Variants in CEP97 observed in about 807,000 individuals in gnomAD.
The protein encoded by CEP97 is centrosomal protein of 97 kDa.
In CEP97, 43 loss-of-function variants were observed where a neutral mutation model predicts 73.1. That is an observed-to-expected ratio of 0.59 (90% CI 0.46 to 0.76). The LOEUF (loss-of-function observed/expected upper bound fraction) is 0.76, where lower values mean the gene tolerates loss of function less well. CEP97 is among the 30% of genes least tolerant of loss of function. The pLI is 0.00. For missense variants in CEP97, 939 were observed against 1,014.0 expected (o/e 0.93, Z 1.00); for synonymous variants, 337 against 370.0 (o/e 0.91, Z 1.02).
intron 6 of CEP97, among the ~76,000 whole-genome samples, chr3:101,748,920 G>T (rs1198613201): frequency 6.6e-6 from 1 of 152,086 alleles, no homozygotes; most frequent in African/African-American, 2.4e-5. Flanking sequence ...GATTACAGGT[G>T]TGAGCCACTG....
At chr3:101,725,917 C>T (rs1266550505) in intron 1 of CEP97, among the ~76,000 whole-genome samples, 1 of 148,590 alleles carries the variant, frequency 6.7e-6, no homozygotes, top group African/African-American at 2.5e-5. Flanking sequence ...TGTAGAACTA[C>T]ATTTATAAGG....
At chr3:101,746,634 TA>T (rs1165329472) in intron 6 of CEP97, among the ~76,000 whole-genome samples, 5 of 151,864 alleles carry the variant, frequency 3.3e-5, no homozygotes, top group East Asian at 1.9e-4. Context: ...ACTTCATGTC[TA>T]AAACACCAAA....
intron 8 of CEP97, 133 bp from the exon 9 acceptor site, chr3:101,757,501 C>T (rs906016461): frequency 3.3e-5 from 26 of 798,784 alleles, no homozygotes; most frequent in Non-Finnish European, 3.8e-5. Flanking sequence ...TTGATGTTTT[C>T]GGCATATTGG....
chr3:101,750,197 T>C (rs1362566283), intron 6 of CEP97, among the ~76,000 whole-genome samples: 1 of 146,050 alleles, frequency 6.8e-6, no homozygotes, highest in Non-Finnish European at 1.5e-5. Context: ...GGATCCAGTT[T>C]CAGCTTTCTA....
At chr3:101,757,250 G>T (rs932507016) in intron 8 of CEP97, 54 bp downstream of exon 8, 8 of 1,550,094 alleles carry the variant, frequency 5.2e-6, no homozygotes, top group Non-Finnish European at 6.1e-6. Context: ...TAATTTGTCG[G>T]GTATCATAAA....
intron 9 of CEP97, among the ~76,000 whole-genome samples, chr3:101,760,299 A>G (rs1016153121): frequency 2.0e-5 from 3 of 152,198 alleles, no homozygotes; most frequent in African/African-American, 7.2e-5. Flanking sequence ...TATCTTAAAC[A>G]TGACCTTATG....
intron 1 of CEP97, among the ~76,000 whole-genome samples, chr3:101,725,450 C>G (rs1261630821): frequency 4.6e-5 from 7 of 152,148 alleles, no homozygotes; most frequent in Admixed American, 3.3e-4. Context: ...GTCTTCATGG[C>G]TTAGACCAGG....
In CEP97 at chr3:101,763,203, G is replaced by A. The variant is rs192731841; in HGVS notation, c.1893+643G>A. The A allele has an allele frequency of 1.5e-5, 18 of 1,226,712 alleles. No homozygotes were observed. In the East Asian group the frequency reaches 7.8e-4, roughly 53 times the overall value. The allele number at this position is 1,226,712 out of a possible 1,614,324, so 76.0% of individuals were successfully genotyped here. A position where few individuals can be genotyped will look rare whatever the true frequency, so the allele number is the denominator to read the frequency against. ...CCTCCCAAAGTGAGCCACATCACCT[G>A]GCCAAATTTGTTATAATAGGATTTG... is the stretch of plus-strand genomic sequence containing the variant. On this transcript the variant is annotated intron_variant, in intron 10 of 10. Coordinates refer to ENST00000341893, the MANE Select transcript of CEP97 (RefSeq NM_024548.4).
intron 6 of CEP97, among the ~76,000 whole-genome samples, chr3:101,742,159 T>C (rs1463276125): frequency 6.6e-6 from 1 of 152,140 alleles, no homozygotes; most frequent in African/African-American, 2.4e-5. Flanking sequence ...AGTTCAATTA[T>C]TGTGGAAGAC....
At chr3:101,751,350 G>A (rs1426469346) in intron 6 of CEP97, among the ~76,000 whole-genome samples, 2 of 152,170 alleles carry the variant, frequency 1.3e-5, no homozygotes, top group South Asian at 2.1e-4. Context: ...GTCAATTTTG[G>A]AATAGGTGTG....
At chr3:101,750,209 A>G (rs577112511) in intron 6 of CEP97, among the ~76,000 whole-genome samples, 1 of 146,536 alleles carries the variant, frequency 6.8e-6, no homozygotes, top group African/African-American at 2.5e-5. Flanking sequence ...AGCTTTCTAC[A>G]TATGGCTAGC....
chr3:101,741,903 G>T (rs538657827), intron 6 of CEP97, among the ~76,000 whole-genome samples: 1 of 152,116 alleles, frequency 6.6e-6, no homozygotes, highest in Admixed American at 6.5e-5. Flanking sequence ...TTAGCCAGGT[G>T]TGGTGGCGCG....
At chr3:101,760,912 G>C (rs1438357870) in intron 9 of CEP97, among the ~76,000 whole-genome samples, 1 of 151,900 alleles carries the variant, frequency 6.6e-6, no homozygotes, top group Non-Finnish European at 1.5e-5. Context: ...ACCCAGGCTG[G>C]AGTGCAATGG....
chr3:101,747,258 CTTTTT>C (rs35085560), intron 6 of CEP97, among the ~76,000 whole-genome samples: 2 of 129,750 alleles, frequency 1.5e-5, no homozygotes, highest in African/African-American at 2.9e-5. Context: ...TTCAGAACTC[CTTTTT>C]TTTTTTTTTT....
chr3:101,758,573 A>C, intron 9 of CEP97, 150 bp downstream of exon 9: 2 of 916,244 alleles, frequency 2.2e-6, no homozygotes, highest in South Asian at 3.4e-5. Flanking sequence ...AGTGTACCGA[A>C]AGCATCTGGA....
rs994573 is a variant in CEP97, at chr3:101,724,617, T to C, written c.-60T>C. ...ATAGTTTCCGGCTCCCTCCTTCAGA[T>C]TACAAGCTCCACAGAGCCGCGGGAG... On this transcript the variant is annotated 5_prime_UTR_variant, in exon 1 of 11. Coordinates refer to ENST00000341893, the MANE Select transcript of CEP97 (RefSeq NM_024548.4). 1,601,427 of 1,602,118 alleles carry C rather than the reference T, an allele frequency of 1. 800,370 individuals are homozygous for C. Among genetic ancestry groups the C allele is most frequent in the Middle Eastern group, 1 (5,852 of 5,852 alleles).
chr3:101,735,051 A>T (rs769115814), intron 6 of CEP97, among the ~76,000 whole-genome samples: 9 of 152,198 alleles, frequency 5.9e-5, no homozygotes, highest in Admixed American at 5.9e-4. Flanking sequence ...AGGATTAAGG[A>T]TGATGTATAG....
intron 4 of CEP97, among the ~76,000 whole-genome samples, chr3:101,730,306 C>T (rs1043632907): frequency 1.3e-5 from 2 of 151,482 alleles, no homozygotes; most frequent in African/African-American, 4.9e-5. Flanking sequence ...TGCTCTGTTG[C>T]CCAGGCTGGA....
intron 6 of CEP97, among the ~76,000 whole-genome samples, chr3:101,741,290 G>T (rs1487362145): frequency 6.6e-6 from 1 of 152,198 alleles, no homozygotes; most frequent in Non-Finnish European, 1.5e-5. Flanking sequence ...AGACTTAAAT[G>T]TAAGACCTAA....
Sources: gnomAD v4.1 joint callset for allele counts (sites outside exome capture counted in the v4.1 genomes callset) on GRCh38, gnomAD v4.1.1 for gene constraint, MANE v1.5 for transcripts, NCBI Gene and HGNC (gene_info 2026-07-23, HGNC 2026-07-21) for gene names.